Variants in ADAMTSL3 observed in about 807,000 individuals in gnomAD.
ADAMTSL3 encodes ADAMTS-like protein 3.
ADAMTSL3 carries 128 observed loss-of-function variants against 201.7 expected under a neutral mutation model. The ratio of observed to expected loss-of-function variants is 0.63; its 90% confidence interval spans 0.55 to 0.73. The LOEUF is 0.73. Ranked by LOEUF, ADAMTSL3 falls within the 30% of genes least tolerant of loss-of-function variation. The probability of loss-of-function intolerance (pLI) is 0.00; values close to 1 mark genes in which losing one functional copy is unlikely to be tolerated. For synonymous variants in ADAMTSL3, 738 were observed against 748.4 expected (o/e 0.99, Z 0.23); for missense variants, 1,990 against 2,119.6 (o/e 0.94, Z 1.20).
chr15:83,773,295 C>T (rs1466182039), intron 3 of ADAMTSL3, among the ~76,000 whole-genome samples: 1 of 151,896 alleles, frequency 6.6e-6, no homozygotes, highest in Non-Finnish European at 1.5e-5. Flanking sequence ...GTAATCCCAG[C>T]TACTCAGGAG....
chr15:83,710,957 AC>A (rs1365992034), intron 3 of ADAMTSL3, among the ~76,000 whole-genome samples: 1 of 152,218 alleles, frequency 6.6e-6, no homozygotes, highest in East Asian at 1.9e-4. Flanking sequence ...AGACATTTTT[AC>A]ATCTAATCTG....
At chr15:83,798,834 A>AAG (rs2063474449) in intron 4 of ADAMTSL3, among the ~76,000 whole-genome samples, 2 of 151,180 alleles carry the variant, frequency 1.3e-5, no homozygotes, top group Non-Finnish European at 3.0e-5. Flanking sequence ...ACAAAAAAAA[A>AAG]GGACAATAAC....
chr15:83,946,917 C>A (rs1464231676), intron 19 of ADAMTSL3, among the ~76,000 whole-genome samples: 1 of 152,208 alleles, frequency 6.6e-6, no homozygotes, highest in African/African-American at 2.4e-5. Flanking sequence ...AAGCCCCTAT[C>A]TGGGAGGAAG....
chr15:83,985,703 G>A (rs555309648), intron 21 of ADAMTSL3, among the ~76,000 whole-genome samples: 1 of 152,190 alleles, frequency 6.6e-6, no homozygotes, highest in African/African-American at 2.4e-5. Context: ...TGGCATCTCA[G>A]CTTACTGCAA....
intron 10 of ADAMTSL3, among the ~76,000 whole-genome samples, chr15:83,889,797 G>A (rs1567216718): frequency 1.3e-5 from 2 of 152,210 alleles, no homozygotes; most frequent in African/African-American, 4.8e-5. Context: ...GAGTACCACA[G>A]TTGGTATTAA....
chr15:83,892,969 C>T (rs2065540648), intron 13 of ADAMTSL3, 81 bp downstream of exon 13: 1 of 1,363,820 alleles, frequency 7.3e-7, no homozygotes, highest in Non-Finnish European at 1.0e-6. Context: ...TGGTGCTAGA[C>T]AGCATGGAGA....
Position 83,923,918 on chromosome 15 carries a change from A to C in ADAMTSL3, c.2002A>C (p.Ile668Leu), listed in dbSNP as rs1374141281. The change falls in exon 17 of 30, where the codon ATA becomes CTA. Residue 668 changes from isoleucine (I) to leucine (L), a missense_variant. By Grantham distance (5) the Ile-to-Leu change is conservative. Transcript: ENST00000286744. ...ATCVGGHQEA[I>L]AVCLHIQTQQ... ...CTAACCTGCAGGCCATCAAGAAGCC[A>C]TAGCAGTGTGCTTACATATCCAGAC... 1.2e-6 allele frequency: 2 copies of C among 1,614,164 alleles called. No homozygotes were observed. Among genetic ancestry groups the C allele is most frequent in the Non-Finnish European group, 1.7e-6 (2 of 1,179,980 alleles).
chr15:83,814,511 G>A (rs1290089358), intron 5 of ADAMTSL3, among the ~76,000 whole-genome samples: 5 of 151,972 alleles, frequency 3.3e-5, no homozygotes, highest in Admixed American at 2.0e-4. Flanking sequence ...CTTTTGTTAC[G>A]TCGTTTCCCG....
chr15:83,807,691 A>C (rs1300278730), intron 5 of ADAMTSL3, among the ~76,000 whole-genome samples: 3 of 152,210 alleles, frequency 2.0e-5, no homozygotes, highest in Admixed American at 6.5e-5. Context: ...AAAACAAACA[A>C]ACACACAAAA....
chr15:83,871,423 A>G (rs1454985358), intron 9 of ADAMTSL3, among the ~76,000 whole-genome samples: 9 of 152,192 alleles, frequency 5.9e-5, no homozygotes, highest in African/African-American at 1.9e-4. Context: ...ATCCTAAACC[A>G]GTATTGTGCC....
At chr15:83,714,998 C>G (rs1411192397) in intron 3 of ADAMTSL3, among the ~76,000 whole-genome samples, 1 of 150,594 alleles carries the variant, frequency 6.6e-6, no homozygotes, top group African/African-American at 2.4e-5. Flanking sequence ...ACCTCCTGAC[C>G]CACTGTAACC....
At position 83,888,465 on chromosome 15, in the gene ADAMTSL3, A is replaced by T. The variant is rs370705725; in HGVS notation, c.1073-1644A>T. Among the ~76,000 whole-genome samples the T allele has an allele frequency of 2.9e-3, 438 of 152,292 alleles. 1 individual carries two copies. The highest frequency in any genetic ancestry group is 0.014 in the Middle Eastern group (4 of 294). On this transcript the variant is annotated intron_variant, in intron 10 of 29. Transcript: ENST00000286744. ...TTGTACTTGTTTTGGGGAAAATAAA[A>T]CACACACATAAAACCCACAAGGAAA...
At chr15:83,872,627 C>CACACACACACACACAGAGAGAG (rs6145659) in intron 9 of ADAMTSL3, among the ~76,000 whole-genome samples, 1 of 140,918 alleles carries the variant, frequency 7.1e-6, no homozygotes, top group African/African-American at 2.8e-5. Context: ...CACACACACA[C>CACACACACACACACAGAGAGAG]AGAGTTTTTG....
At chr15:83,849,664 A>G (rs1020126087) in intron 7 of ADAMTSL3, among the ~76,000 whole-genome samples, 5 of 152,274 alleles carry the variant, frequency 3.3e-5, no homozygotes, top group Non-Finnish European at 7.4e-5. Context: ...CTCCAGGCCA[A>G]GGGGGTCCTT....
intron 7 of ADAMTSL3, among the ~76,000 whole-genome samples, chr15:83,838,846 T>G (rs1043606530): frequency 1.3e-5 from 2 of 152,176 alleles, no homozygotes; most frequent in Non-Finnish European, 2.9e-5. Flanking sequence ...ATCAGTAAAC[T>G]TTTTCTGTAA....
chr15:83,918,256 A>G (rs898332675), intron 16 of ADAMTSL3, among the ~76,000 whole-genome samples: 10 of 152,220 alleles, frequency 6.6e-5, no homozygotes, highest in Admixed American at 6.5e-4. Flanking sequence ...ATTTTAAAAC[A>G]ATGTTCTACA....
chr15:83,882,264 C>T (rs1012711670), intron 9 of ADAMTSL3, among the ~76,000 whole-genome samples: 8 of 152,152 alleles, frequency 5.3e-5, no homozygotes, highest in Admixed American at 5.2e-4. Flanking sequence ...AGCAGTCCTG[C>T]CACAGCCAGA....
intron 10 of ADAMTSL3, among the ~76,000 whole-genome samples, chr15:83,887,628 T>G (rs532230967): frequency 6.6e-6 from 1 of 152,304 alleles, no homozygotes; most frequent in East Asian, 1.9e-4. Context: ...TTTTGTTTGT[T>G]TGTTTGTTTT....
At chr15:83,909,702 C>T (rs1265830786) in intron 15 of ADAMTSL3, among the ~76,000 whole-genome samples, 1 of 151,990 alleles carries the variant, frequency 6.6e-6, no homozygotes, top group Non-Finnish European at 1.5e-5. Flanking sequence ...GCAACCTCTG[C>T]CTTCTGGGTT....
Sources: allele counts gnomAD v4.1 joint callset (sites outside exome capture counted in the v4.1 genomes callset), GRCh38; gene constraint gnomAD v4.1.1; transcripts MANE v1.5; gene names NCBI Gene and HGNC (gene_info 2026-07-23, HGNC 2026-07-21).